JADE2: variants seen among roughly 807,000 people sequenced by gnomAD.
JADE2 encodes the protein jade family PHD finger 2.
Under a neutral mutation model 85.7 loss-of-function variants are expected in JADE2, and 13 were observed. The observed-to-expected ratio is 0.15, with a 90% CI of 0.10 to 0.24. The LOEUF is 0.24. Among genes scored for constraint, JADE2 ranks in the 10% least tolerant of loss-of-function variants. JADE2 has a pLI of 1.00. For missense variants in JADE2, 846 were observed against 1,115.9 expected (o/e 0.76, Z 3.45); for synonymous variants, 440 against 456.1 (o/e 0.96, Z 0.45).
In JADE2 at chr5:134,566,715, A is replaced by G. The variant is rs1181058755; in HGVS notation, c.1434+135A>G. 5 of 697,032 alleles carry G rather than the reference A, an allele frequency of 7.2e-6. No homozygotes were observed. Among genetic ancestry groups the G allele is most frequent in the Non-Finnish European group, 1.2e-5 (5 of 424,990 alleles). The allele number at this position is 697,032 out of a possible 1,614,324, so 43.2% of individuals were successfully genotyped here. On this transcript the variant is annotated intron_variant, in intron 9 of 11. Transcript: ENST00000681547. The surrounding 1 kb of genome is among the most constrained non-coding windows in gnomAD (Gnocchi z 6.7). ...AGCTCTGGTGGACCGGCCCTGCTGC[A>G]GGAGCCTGCCAAGGGGCTGAGGGCT... is the stretch of plus-strand genomic sequence containing the variant.
At chr5:134,525,187 G>T (rs1388494063), upstream of JADE2, among the ~76,000 whole-genome samples, 3 of 151,682 alleles carry the variant, frequency 2.0e-5, no homozygotes, top group South Asian at 4.2e-4. Context: ...TTAAGGTTGC[G>T]GGGGGCGCCG....
rs185376985 is a variant in JADE2, at chr5:134,528,493, C to A, written c.-1+2482C>A. ...GAATGAGTAATAAAGCTGACCCAGG[C>A]AGGGAGGAGGGCTTTCATGTTTAAG... On this transcript the variant is annotated intron_variant, in intron 1 of 11. Transcript: ENST00000681547. Among the ~76,000 whole-genome samples the A allele has an allele frequency of 4.8e-4, 73 of 152,282 alleles. 1 individual carries two copies. In the East Asian group the frequency reaches 0.012, roughly 26 times the overall value.
At chr5:134,554,435 C>T (rs1206476536) in intron 4 of JADE2, among the ~76,000 whole-genome samples, 3 of 152,228 alleles carry the variant, frequency 2.0e-5, no homozygotes, top group East Asian at 3.9e-4. Context: ...CTTGGCCCAG[C>T]GGTCTGTCCT....
At position 134,581,425 on chromosome 5, in the gene JADE2, A is replaced by G. The variant is rs1051422713; in HGVS notation, c.*2108A>G. ...CCCGGTCTGACCCTGCAGGAAGCAAAGAGGTGAGCTTAAAGAACAACCAAA... is the reference window on the plus strand; with the variant it reads ...CCCGGTCTGACCCTGCAGGAAGCAAGGAGGTGAGCTTAAAGAACAACCAAA... On this transcript the variant is annotated 3_prime_UTR_variant, in exon 12 of 12. Transcript: ENST00000681547. 3.3e-5 allele frequency: 5 copies of G among 152,720 alleles called. No individual in the cohort carries two copies. Among genetic ancestry groups the G allele is most frequent in the African/African-American group, 1.2e-4 (5 of 41,436 alleles). 9.5% of individuals were successfully genotyped at this position (152,720 alleles called of 1,614,324 possible). A position where few individuals can be genotyped will look rare whatever the true frequency, so the allele number is the denominator to read the frequency against.
intron 4 of JADE2, among the ~76,000 whole-genome samples, chr5:134,555,212 T>C (rs1762837456): frequency 6.6e-6 from 1 of 151,900 alleles, no homozygotes; most frequent in African/African-American, 2.4e-5. Flanking sequence ...GTCTGAACAA[T>C]GAGCACTTGT....
intron 4 of JADE2, among the ~76,000 whole-genome samples, chr5:134,557,224 T>G (rs201299660): frequency 0.054 from 8,082 of 150,860 alleles, 459 homozygotes; most frequent in South Asian, 0.24. Context: ...TGATGATGAT[T>G]ATTATTTTTT....
chr5:134,562,087 G>T lies in JADE2; in HGVS notation c.685-113G>T. 1 of 1,035,548 alleles carries T rather than the reference G, an allele frequency of 9.7e-7. No homozygotes were observed. The highest frequency in any genetic ancestry group is 1.4e-6 in the Non-Finnish European group (1 of 722,062). The allele number at this position is 1,035,548 out of a possible 1,614,324, so 64.1% of individuals were successfully genotyped here. On this transcript the variant is annotated intron_variant, in intron 6 of 11. Coordinates refer to ENST00000681547, the MANE Select transcript of JADE2 (RefSeq NM_001388185.1). The surrounding 1 kb of genome is among the most constrained non-coding windows in gnomAD (Gnocchi z 4.6). ...CAGAAGTTGTACGTGCCAGAGATGG[G>T]AGGCTGTGTAGCAGTGTAGCATGGG...
chr5:134,561,462 C>T (rs957083575), intron 6 of JADE2, among the ~76,000 whole-genome samples: 3 of 152,158 alleles, frequency 2.0e-5, no homozygotes, highest in African/African-American at 7.2e-5. Flanking sequence ...CTAGTAAGGG[C>T]TATATGTATT....
Position 134,562,193 on chromosome 5 carries a change from C to G in JADE2, c.685-7C>G, listed in dbSNP as rs374430070. 440 of 1,606,296 alleles carry G rather than the reference C, an allele frequency of 2.7e-4. No individual in the cohort carries two copies. The highest frequency in any genetic ancestry group is 3.6e-4 in the Non-Finnish European group (419 of 1,176,266). On this transcript the variant is annotated splice_region_variant and splice_polypyrimidine_tract_variant and intron_variant, in intron 6 of 11. Coordinates refer to ENST00000681547, the MANE Select transcript of JADE2 (RefSeq NM_001388185.1). This position sits in a 1 kb window ranked among gnomAD's most constrained non-coding sequence, Gnocchi z 4.6. ...CGCTGACTCATGACCACCCTGCTCT[C>G]TCCTAGGCATGCTACGGGATCCTCA...
intron 3 of JADE2, among the ~76,000 whole-genome samples, chr5:134,548,923 C>G (rs890047635): frequency 6.6e-6 from 1 of 152,200 alleles, no homozygotes; most frequent in Non-Finnish European, 1.5e-5. Flanking sequence ...CATGAGGTAT[C>G]TCATCCTGCT....
chr5:134,534,933 G>A (rs1384609890), intron 1 of JADE2, among the ~76,000 whole-genome samples: 2 of 152,206 alleles, frequency 1.3e-5, no homozygotes, highest in East Asian at 3.9e-4. Flanking sequence ...AAACAGTGGT[G>A]GGAAAACACT....
At chr5:134,525,655 G>C, upstream of JADE2, 1 of 1,160,590 alleles carries the variant, frequency 8.6e-7, no homozygotes, top group Non-Finnish European at 1.1e-6. Context: ...AGGAAGTCTT[G>C]GTTTAAAAAG....
chr5:134,564,197 T>A, intron 7 of JADE2: 1 of 260,934 alleles, frequency 3.8e-6, no homozygotes, highest in Non-Finnish European at 7.4e-6. Context: ...CTTAAGCACA[T>A]ACACACAGTC....
chr5:134,576,647 T>A, intron 10 of JADE2, 121 bp from the exon 11 acceptor site: 1 of 1,223,512 alleles, frequency 8.2e-7, no homozygotes, highest in South Asian at 1.5e-5. Flanking sequence ...CCAACCTTTT[T>A]GCTGTGGAGG....
chr5:134,565,389 C>T (rs1763579554), intron 8 of JADE2, among the ~76,000 whole-genome samples: 2 of 152,308 alleles, frequency 1.3e-5, no homozygotes, highest in South Asian at 4.1e-4. Flanking sequence ...AGGGTCAGGC[C>T]TCAAGCTGTC....
At chr5:134,576,442 C>G (rs329325) in intron 10 of JADE2, among the ~76,000 whole-genome samples, 117,576 of 152,050 alleles carry the variant, frequency 0.77, 46,006 homozygotes, top group Admixed American at 0.85. Context: ...GCATTCAAGG[C>G]CCTGCCCTGT....
rs185393955 is a variant in JADE2 at position 134,566,103 on chromosome 5, C to T, written c.970-13C>T. 2.7e-5 allele frequency: 43 copies of T among 1,605,626 alleles called. No homozygotes were observed. In the East Asian group the frequency reaches 8.7e-4, roughly 32 times the overall value. On this transcript the variant is annotated splice_polypyrimidine_tract_variant and intron_variant, in intron 8 of 11. Transcript: ENST00000681547. This position sits in a 1 kb window ranked among gnomAD's most constrained non-coding sequence, Gnocchi z 6.7. The stretch of plus-strand genomic sequence containing the variant: ...TCCCTCCATGTCTGATCCTGCCCCT[C>T]CTTTCCCCTCAGTGTTCCATGCCTT...
chr5:134,534,753 G>A (rs1450965689), intron 1 of JADE2, among the ~76,000 whole-genome samples: 1 of 152,136 alleles, frequency 6.6e-6, no homozygotes, highest in African/African-American at 2.4e-5. Context: ...AGTCAGTCAG[G>A]GAACACAGGG....
rs1479451469 is a variant in JADE2 at position 134,583,093 on chromosome 5, A to T, written c.*3776A>T. 1 of 152,660 alleles carries T rather than the reference A, an allele frequency of 6.6e-6. No individual in the cohort carries two copies. The highest frequency in any genetic ancestry group is 1.9e-4 in the East Asian group (1 of 5,200). The allele number at this position is 152,660 out of a possible 1,614,324, so 9.5% of individuals were successfully genotyped here. A position where few individuals can be genotyped will look rare whatever the true frequency, so the allele number is the denominator to read the frequency against. On this transcript the variant is annotated 3_prime_UTR_variant, in exon 12 of 12. Coordinates refer to ENST00000681547, the MANE Select transcript of JADE2 (RefSeq NM_001388185.1). ...TGATTCTGTGTTGCCGCTGCTGCAT[A>T]GTTCCCAGCCCCATCCTGTCCTGCT...
Sources: allele counts gnomAD v4.1 joint callset (sites outside exome capture counted in the v4.1 genomes callset), GRCh38; gene constraint gnomAD v4.1.1; non-coding constraint Gnocchi (gnomAD v3.1); transcripts MANE v1.5; gene names NCBI Gene and HGNC (gene_info 2026-07-23, HGNC 2026-07-21).